WDFY2: variants seen among roughly 807,000 people sequenced by gnomAD.
WDFY2 encodes the protein WD repeat and FYVE domain-containing protein 2.
Under a neutral mutation model 56.4 loss-of-function variants are expected in WDFY2, and 36 were observed. The ratio of observed to expected loss-of-function variants is 0.64; its 90% CI spans 0.49 to 0.84. The LOEUF (loss-of-function observed/expected upper bound fraction) is 0.84. WDFY2 is among the 40% of genes least tolerant of loss of function. The pLI, the probability that WDFY2 is intolerant of heterozygous loss-of-function variation, is 0.00. For missense variants in WDFY2, 444 were observed against 512.2 expected (o/e 0.87, Z 1.29); for synonymous variants, 176 against 183.7 (o/e 0.96, Z 0.34).
intron 1 of WDFY2, among the ~76,000 whole-genome samples, chr13:51,656,137 A>G (rs1222280484): frequency 2.1e-5 from 3 of 140,724 alleles, no homozygotes; most frequent in African/African-American, 5.3e-5. Context: ...TCCTTAAGGT[A>G]TAAAATTAGG....
chr13:51,703,578 T>A lies in WDFY2; in HGVS notation c.280-18T>A. 1 of 1,559,530 alleles carries A rather than the reference T, an allele frequency of 6.4e-7. No homozygotes were observed. Among genetic ancestry groups the A allele is most frequent in the Non-Finnish European group, 8.7e-7 (1 of 1,144,512 alleles). On this transcript the variant is annotated intron_variant, in intron 3 of 11. Coordinates refer to ENST00000298125, the MANE Select transcript of WDFY2 (RefSeq NM_052950.4). ...TAAAGAATTTATTTTTGTTTAATAG[T>A]TTTCTTTTCTTTTACAGGAGTTTAT...
chr13:51,600,440 C>T (rs1486422007), intron 1 of WDFY2, among the ~76,000 whole-genome samples: 1 of 152,216 alleles, frequency 6.6e-6, no homozygotes, highest in Non-Finnish European at 1.5e-5. Context: ...TTCTGTGTAT[C>T]TGCCTCATTC....
intron 7 of WDFY2, among the ~76,000 whole-genome samples, chr13:51,751,033 C>T (rs1416254958): frequency 6.6e-6 from 1 of 152,110 alleles, no homozygotes; most frequent in Non-Finnish European, 1.5e-5. Flanking sequence ...AAGTTACAGC[C>T]CATTCAACAA....
At chr13:51,686,699 C>A (rs906623615) in intron 3 of WDFY2, among the ~76,000 whole-genome samples, 22 of 151,870 alleles carry the variant, frequency 1.4e-4, no homozygotes, top group African/African-American at 5.3e-4. Context: ...GTGTGGAGAC[C>A]ATGGTTATAA....
rs78542906 is a variant in WDFY2 at position 51,660,856 on chromosome 13, T to C, written c.205+193T>C. On this transcript the variant is annotated intron_variant, in intron 2 of 11. Transcript: ENST00000298125. Reference sequence around the variant, plus strand: ...GAAAATTGTTCTGAAATTGACTCTATATTCATAGCTTCTGAATAAGATTAA... The same window carrying C: ...GAAAATTGTTCTGAAATTGACTCTACATTCATAGCTTCTGAATAAGATTAA... 7.1e-3 allele frequency among the ~76,000 whole-genome samples: 1,075 copies of C among 152,350 alleles called. 10 individuals carry two copies. The highest frequency in any genetic ancestry group is 0.023 in the African/African-American group (946 of 41,572).
At chr13:51,599,789 A>G (rs1566304782) in intron 1 of WDFY2, among the ~76,000 whole-genome samples, 1 of 152,198 alleles carries the variant, frequency 6.6e-6, no homozygotes, top group Non-Finnish European at 1.5e-5. Flanking sequence ...TAAAGTGACA[A>G]TTGAAACAAG....
intron 3 of WDFY2, among the ~76,000 whole-genome samples, chr13:51,682,222 C>G (rs1289115234): frequency 6.6e-6 from 1 of 152,184 alleles, no homozygotes; most frequent in Non-Finnish European, 1.5e-5. Flanking sequence ...ATCAACACAG[C>G]ACATGTACAC....
intron 1 of WDFY2, among the ~76,000 whole-genome samples, chr13:51,633,486 TA>T: frequency 6.6e-6 from 1 of 152,344 alleles, no homozygotes; most frequent in East Asian, 1.9e-4. Flanking sequence ...TGGATCTAAA[TA>T]ATTGATGAAT....
chr13:51,704,365 TTGAG>T (rs1952043253), intron 4 of WDFY2, among the ~76,000 whole-genome samples: 1 of 152,230 alleles, frequency 6.6e-6, no homozygotes, highest in African/African-American at 2.4e-5. Context: ...CAAATATTTA[TTGAG>T]TGTCTATTGT....
intron 3 of WDFY2, among the ~76,000 whole-genome samples, chr13:51,691,312 G>A (rs1377938980): frequency 6.6e-6 from 1 of 151,568 alleles, no homozygotes; most frequent in Non-Finnish European, 1.5e-5. Flanking sequence ...TTTTCTTCTA[G>A]GGTTTTTATG....
chr13:51,584,815 C>T lies in WDFY2; in HGVS notation c.128C>T (p.Ser43Phe). 1 of 1,613,854 alleles carries T rather than the reference C, an allele frequency of 6.2e-7. No individual in the cohort carries two copies. ...VPKEEGVISV[S>F]EDRTVRVWLK... ...AAAGAGGAGGGCGTCATCAGCGTCT[C>T]CGAGGACAGGTATGGACTACTGCCA... The change falls in exon 1 of 12, where the codon TCC becomes TTC. Residue 43 changes from serine (S) to phenylalanine (F), a missense_variant. Transcript: ENST00000298125.
intron 5 of WDFY2, 50 bp from the exon 6 acceptor site, chr13:51,727,628 A>T (rs1189052753): frequency 4.5e-6 from 7 of 1,557,504 alleles, no homozygotes; most frequent in South Asian, 3.4e-5. Context: ...TTTTCATTGT[A>T]AATTCCCTCA....
chr13:51,751,819 AAATAC>A (rs1953244175), intron 8 of WDFY2, among the ~76,000 whole-genome samples: 1 of 152,234 alleles, frequency 6.6e-6, no homozygotes, highest in African/African-American at 2.4e-5. Flanking sequence ...GTATTAATAG[AAATAC>A]TAGAAATAAT....
chr13:51,759,750 T>C lies in WDFY2; in HGVS notation c.1184T>C (p.Met395Thr). The C allele has an allele frequency of 3.1e-6, 5 of 1,614,142 alleles. No homozygotes were observed. Among genetic ancestry groups the C allele is most frequent in the Non-Finnish European group, 4.2e-6 (5 of 1,179,986 alleles). ...TTTTTCTTTTTGCAGTTGTGGGATATGACCCCAGTCGTGTCTTGATGACTC... is the reference window on the plus strand; with the variant it reads ...TTTTTCTTTTTGCAGTTGTGGGATACGACCCCAGTCGTGTCTTGATGACTC... ...GTDKVIKLWD[M>T]TPVVS Residue 395 changes from methionine (M) to threonine (T), a missense_variant, in exon 12 of 12, where the codon ATG becomes ACG. Transcript: ENST00000298125.
intron 5 of WDFY2, among the ~76,000 whole-genome samples, chr13:51,720,942 TTCTCTCTCTC>T (rs71749521): frequency 1.4e-4 from 20 of 147,846 alleles, no homozygotes; most frequent in East Asian, 4.0e-4. Flanking sequence ...TCATTCTGTC[TTCTCTCTCTC>T]TCTCTCTCTC....
intron 5 of WDFY2, among the ~76,000 whole-genome samples, chr13:51,727,035 A>C (rs968137133): frequency 1.3e-5 from 2 of 152,186 alleles, no homozygotes; most frequent in African/African-American, 4.8e-5. Context: ...CTACATTTAG[A>C]TCCCTAATTC....
intron 7 of WDFY2, among the ~76,000 whole-genome samples, chr13:51,745,738 T>TAAA (rs34880965): frequency 2.9e-4 from 25 of 86,336 alleles, no homozygotes; most frequent in African/African-American, 1.0e-3. Context: ...ATCCTTCATT[T>TAAA]AAAAAAAAAA....
chr13:51,765,807 G>A lies in WDFY2; in HGVS notation c.*6038G>A, dbSNP rs1953728288. 1 of 152,304 alleles carries A rather than the reference G, an allele frequency of 6.6e-6. No individual in the cohort carries two copies. The allele number at this position is 152,304 out of a possible 1,614,324, so 9.4% of individuals were successfully genotyped here. A position where few individuals can be genotyped will look rare whatever the true frequency, so the allele number is the denominator to read the frequency against. On this transcript the variant is annotated 3_prime_UTR_variant, in exon 12 of 12. Transcript: ENST00000298125. Reference sequence around the variant, plus strand: ...GCAAAAAAAATTCTTTTTAAAGATGGTAAGGGTGGAAATTAATCATGGTAC... The same window carrying A: ...GCAAAAAAAATTCTTTTTAAAGATGATAAGGGTGGAAATTAATCATGGTAC...
At chr13:51,680,348 C>T (rs980900302) in intron 3 of WDFY2, among the ~76,000 whole-genome samples, 1 of 152,118 alleles carries the variant, frequency 6.6e-6, no homozygotes, top group Non-Finnish European at 1.5e-5. Context: ...GGGATCCTCC[C>T]ACCTCAGCCT....
Sources: gnomAD v4.1 joint callset for allele counts (sites outside exome capture counted in the v4.1 genomes callset) on GRCh38, gnomAD v4.1.1 for gene constraint, MANE v1.5 for transcripts, NCBI Gene and HGNC (gene_info 2026-07-23, HGNC 2026-07-21) for gene names.